The following TLK2 variants were observed in gnomAD, a reference collection of about 807,000 sequenced individuals.
TLK2 encodes tousled like kinase 2.
TLK2 carries 6 observed loss-of-function variants against 117.3 expected under a neutral mutation model. The observed-to-expected ratio is 0.05, with a 90% CI of 0.03 to 0.10. The LOEUF is 0.10. Among genes scored for constraint, TLK2 ranks in the 10% least tolerant of loss-of-function variants. The pLI is 1.00. For synonymous variants in TLK2, 257 were observed against 316.7 expected (o/e 0.81, Z 2.00); for missense variants, 299 against 901.2 (o/e 0.33, Z 8.56).
intron 2 of TLK2, among the ~76,000 whole-genome samples, chr17:62,507,746 C>T (rs1055943821): frequency 3.3e-5 from 5 of 152,048 alleles, no homozygotes; most frequent in South Asian, 2.1e-4. Flanking sequence ...ATATGAGCCT[C>T]CTTCGTGGTG....
At chr17:62,513,916 T>G (rs2145329836) in intron 2 of TLK2, among the ~76,000 whole-genome samples, 1 of 152,196 alleles carries the variant, frequency 6.6e-6, no homozygotes, top group South Asian at 2.1e-4. Flanking sequence ...CTTGAACTCC[T>G]GACCTTGTGA....
chr17:62,472,127 T>C (rs1201313040), intron 1 of TLK2, among the ~76,000 whole-genome samples: 19 of 151,212 alleles, frequency 1.3e-4, no homozygotes, highest in African/African-American at 4.6e-4. Context: ...AGGATGGTCT[T>C]GATCTCCTGA....
intron 2 of TLK2, among the ~76,000 whole-genome samples, chr17:62,491,359 T>A (rs1369028800): frequency 6.6e-6 from 1 of 152,202 alleles, no homozygotes; most frequent in African/African-American, 2.4e-5. Flanking sequence ...AGAAAGGCCA[T>A]GAGAGGGAAA....
chr17:62,501,511 T>A (rs1033949589), intron 2 of TLK2, among the ~76,000 whole-genome samples: 1 of 152,090 alleles, frequency 6.6e-6, no homozygotes, highest in African/African-American at 2.4e-5. Flanking sequence ...GGTGGGCCAA[T>A]TGCTTGAGTC....
intron 2 of TLK2, among the ~76,000 whole-genome samples, chr17:62,512,625 T>G (rs1398576710): frequency 1.5e-4 from 23 of 152,034 alleles, no homozygotes; most frequent in Admixed American, 1.5e-3. Context: ...GAAAATATTT[T>G]CTTCCAGTCA....
chr17:62,478,014 C>A (rs113301871), upstream of TLK2: 1 of 152,008 alleles, frequency 6.6e-6, no homozygotes, highest in Non-Finnish European at 1.5e-5. Flanking sequence ...GGCAGCATCC[C>A]CGCGGGGGCG....
chr17:62,485,605 A>G (rs1316197855), intron 2 of TLK2, among the ~76,000 whole-genome samples: 1 of 152,086 alleles, frequency 6.6e-6, no homozygotes, highest in Admixed American at 6.6e-5. Context: ...AAAGTCATTT[A>G]TTTTGGGCTT....
chr17:62,542,752 A>C (rs930801812), intron 7 of TLK2, among the ~76,000 whole-genome samples: 15 of 152,136 alleles, frequency 9.9e-5, no homozygotes, highest in African/African-American at 3.4e-4. Flanking sequence ...TTTTTCCCTT[A>C]ATGGCAAGTC....
chr17:62,608,331 C>G (rs148903484), intron 21 of TLK2, among the ~76,000 whole-genome samples, 183 bp downstream of exon 21: 175 of 152,300 alleles, frequency 1.1e-3, no homozygotes, highest in African/African-American at 4.0e-3. Context: ...ACCCTGACCA[C>G]CCCATCCCCA....
chr17:62,578,401 C>A lies in TLK2; in HGVS notation c.1189-76C>A. ...TAGCCTTTCATAAGATAAATGTCTGCTATTGTTTTTGAAATAAGATCCCGA... is the reference window on the plus strand; with the variant it reads ...TAGCCTTTCATAAGATAAATGTCTGATATTGTTTTTGAAATAAGATCCCGA... On this transcript the variant is annotated intron_variant, in intron 13 of 21. Transcript: ENST00000346027. The A allele has an allele frequency of 1.8e-5, 20 of 1,117,700 alleles. No homozygotes were observed. The South Asian group carries it at 2.4e-4, about 13-fold the overall frequency. 69.2% of individuals were successfully genotyped at this position (1,117,700 alleles called of 1,614,324 possible).
chr17:62,517,417 C>T (rs1189176939), intron 2 of TLK2, among the ~76,000 whole-genome samples: 7 of 151,870 alleles, frequency 4.6e-5, no homozygotes, highest in Non-Finnish European at 1.0e-4. Flanking sequence ...TATTTTGAGA[C>T]GGAGTCTCGC....
chr17:62,588,416 C>G (rs998037638), intron 16 of TLK2, among the ~76,000 whole-genome samples: 4 of 152,198 alleles, frequency 2.6e-5, no homozygotes, highest in African/African-American at 4.8e-5. Context: ...TCACATATGT[C>G]TCTACCAGAC....
At chr17:62,503,746 G>A (rs1300478978) in intron 2 of TLK2, among the ~76,000 whole-genome samples, 3 of 88,114 alleles carry the variant, frequency 3.4e-5, no homozygotes, top group Non-Finnish European at 6.8e-5. Context: ...TTTTTTTTTT[G>A]AGACAGAGTT....
intron 7 of TLK2, among the ~76,000 whole-genome samples, chr17:62,536,711 A>T (rs1490114601): frequency 6.6e-6 from 1 of 152,000 alleles, no homozygotes; most frequent in Non-Finnish European, 1.5e-5. Flanking sequence ...GTAAGTTAAT[A>T]CTCAAGTCAG....
chr17:62,506,505 T>G (rs371309465), intron 2 of TLK2, among the ~76,000 whole-genome samples: 1 of 152,170 alleles, frequency 6.6e-6, no homozygotes, highest in East Asian at 1.9e-4. Flanking sequence ...GAGATGGCAG[T>G]GGGATTTTTT....
At chr17:62,508,682 AG>A (rs1488901398) in intron 2 of TLK2, 1 of 649,536 alleles carries the variant, frequency 1.5e-6, no homozygotes, top group African/African-American at 2.0e-5. Context: ...AAATCAGAAT[AG>A]GGGCCGGGCG....
chr17:62,574,519 T>G, intron 12 of TLK2: 1 of 637,422 alleles, frequency 1.6e-6, no homozygotes. Context: ...ATTTTGTTGT[T>G]GTTGTTTTTT....
intron 10 of TLK2, among the ~76,000 whole-genome samples, chr17:62,564,240 A>G (rs191840479): frequency 2.9e-3 from 443 of 152,126 alleles, no homozygotes; most frequent in Non-Finnish European, 4.8e-3. Context: ...AGTCTCTACT[A>G]AAAAATACAA....
At chr17:62,576,997 G>C (rs4539664) in intron 13 of TLK2, among the ~76,000 whole-genome samples, 92,284 of 139,802 alleles carry the variant, frequency 0.66, 30,549 homozygotes, top group East Asian at 0.81. Context: ...GAGTCTCACT[G>C]TGTCTCCCAG....
Sources: allele counts gnomAD v4.1 joint callset (sites outside exome capture counted in the v4.1 genomes callset), GRCh38; gene constraint gnomAD v4.1.1; transcripts MANE v1.5; gene names NCBI Gene and HGNC (gene_info 2026-07-23, HGNC 2026-07-21).